Variants in DNAJC7 observed in about 807,000 individuals in gnomAD.
DNAJC7 encodes the protein dnaJ homolog subfamily C member 7.
A neutral mutation model predicts 67.4 loss-of-function variants in DNAJC7; 18 were observed. The ratio of observed to expected loss-of-function variants is 0.27; its 90% CI spans 0.18 to 0.40. The LOEUF (loss-of-function observed/expected upper bound fraction) is 0.40, where lower values mean the gene tolerates loss of function less well. Ranked by LOEUF, DNAJC7 falls within the 10% of genes least tolerant of loss-of-function variation. The pLI, the probability that DNAJC7 is intolerant of heterozygous loss-of-function variation, is 1.00. For synonymous variants in DNAJC7, 220 were observed against 207.8 expected (o/e 1.06, Z -0.50); for missense variants, 419 against 613.8 (o/e 0.68, Z 3.35).
chr17:41,996,459 G>T, intron 3 of DNAJC7, 35 bp from the exon 4 acceptor site: 2 of 1,586,020 alleles, frequency 1.3e-6, no homozygotes, highest in Non-Finnish European at 1.7e-6. Context: ...AAAGAAGCAT[G>T]ATTGGCCAAG....
intron 1 of DNAJC7, among the ~76,000 whole-genome samples, chr17:42,006,820 T>TAAAAAAAA (rs1555650385): frequency 2.9e-4 from 2 of 6,798 alleles, no homozygotes; most frequent in Non-Finnish European, 8.6e-4. Context: ...AAAAAAAAAG[T>TAAAAAAAA]CCAGGCACGG....
chr17:41,999,088 GT>G (rs1184680275), intron 2 of DNAJC7, among the ~76,000 whole-genome samples: 11 of 146,004 alleles, frequency 7.5e-5, no homozygotes, highest in South Asian at 2.2e-4. Context: ...TCATGAGTTT[GT>G]TTTTTTTTTT....
At chr17:41,993,351 C>T (rs1555648049) in intron 5 of DNAJC7, among the ~76,000 whole-genome samples, 1 of 152,096 alleles carries the variant, frequency 6.6e-6, no homozygotes, top group East Asian at 1.9e-4. Context: ...CCCAGCTACT[C>T]AGGAGGCTGA....
chr17:42,016,259 T>C (rs1190571984), intron 1 of DNAJC7: 10 of 152,178 alleles, frequency 6.6e-5, no homozygotes, highest in African/African-American at 2.2e-4. Context: ...ACTCATTAGA[T>C]AGTAAAAATC....
intron 5 of DNAJC7, among the ~76,000 whole-genome samples, chr17:41,993,642 C>T (rs2051569424): frequency 6.6e-6 from 1 of 152,168 alleles, no homozygotes; most frequent in African/African-American, 2.4e-5. Context: ...GGGTTATCTA[C>T]CTCCCCTTTT....
chr17:42,013,383 A>C (rs2052170161), intron 1 of DNAJC7: 1 of 152,250 alleles, frequency 6.6e-6, no homozygotes, highest in African/African-American at 2.4e-5. Flanking sequence ...GCAATCGTGA[A>C]GTCCGTCTTA....
intron 5 of DNAJC7, among the ~76,000 whole-genome samples, chr17:41,990,917 C>T (rs528128811): frequency 1.3e-5 from 2 of 152,106 alleles, no homozygotes; most frequent in African/African-American, 4.8e-5. Flanking sequence ...TCCTCCTCAG[C>T]CTCCCGAAGT....
chr17:42,008,432 C>T (rs1366334094), intron 1 of DNAJC7, among the ~76,000 whole-genome samples: 2 of 148,922 alleles, frequency 1.3e-5, no homozygotes, highest in African/African-American at 2.5e-5. Flanking sequence ...TTTTTTGAGA[C>T]GGAGTCTCGC....
At chr17:41,994,675 G>A (rs926035435) in intron 5 of DNAJC7, among the ~76,000 whole-genome samples, 195 bp downstream of exon 5, 11 of 151,838 alleles carry the variant, frequency 7.2e-5, no homozygotes, top group African/African-American at 2.7e-4. Context: ...TTTATCATAG[G>A]GCCAAATATA....
intron 12 of DNAJC7, among the ~76,000 whole-genome samples, chr17:41,980,234 G>A (rs1555645787): frequency 6.6e-6 from 1 of 151,792 alleles, no homozygotes; most frequent in Non-Finnish European, 1.5e-5. Context: ...ATTTTTCATA[G>A]AGACGGGGTT....
intron 2 of DNAJC7, 52 bp downstream of exon 2, chr17:42,000,430 A>G: frequency 7.0e-7 from 1 of 1,438,248 alleles, no homozygotes; most frequent in South Asian, 1.2e-5. Flanking sequence ...GCTACTTTTA[A>G]TAATATTTGG....
chr17:41,987,605 G>A (rs1555647059), intron 9 of DNAJC7: 4 of 507,366 alleles, frequency 7.9e-6, no homozygotes, highest in African/African-American at 3.9e-5. Flanking sequence ...CGTGAGGGGC[G>A]TTAGACACAG....
intron 1 of DNAJC7, among the ~76,000 whole-genome samples, chr17:42,010,251 A>G (rs1213914153): frequency 6.6e-6 from 1 of 151,488 alleles, no homozygotes; most frequent in Non-Finnish European, 1.5e-5. Flanking sequence ...TGGGAGGCCA[A>G]GGCGGGTGGA....
chr17:41,994,782 A>C (rs2051611504), intron 5 of DNAJC7, 88 bp downstream of exon 5: 1,399 of 1,096,936 alleles, frequency 1.3e-3, no homozygotes, highest in Non-Finnish European at 1.8e-3. Context: ...CTTTTGTGCC[A>C]TACTACTCCT....
intron 12 of DNAJC7, among the ~76,000 whole-genome samples, chr17:41,979,030 A>G (rs2051169915): frequency 6.6e-6 from 1 of 152,234 alleles, no homozygotes; most frequent in Non-Finnish European, 1.5e-5. Flanking sequence ...TTATCTATAT[A>G]GTACCATCAT....
chr17:42,003,137 CAGGCCAGAATT>C, intron 1 of DNAJC7, among the ~76,000 whole-genome samples: 1 of 152,342 alleles, frequency 6.6e-6, no homozygotes, highest in African/African-American at 2.4e-5. Flanking sequence ...TGCACAGCAT[CAGGCCAGAATT>C]AGCTATTCCC....
At chr17:41,980,890 T>A (rs559377818) in intron 12 of DNAJC7, among the ~76,000 whole-genome samples, 3 of 152,328 alleles carry the variant, frequency 2.0e-5, no homozygotes, top group Admixed American at 2.0e-4. Flanking sequence ...AGGAAAATGC[T>A]CATATTCCTT....
At chr17:42,004,275 T>A (rs2051887858) in intron 1 of DNAJC7, among the ~76,000 whole-genome samples, 1 of 152,130 alleles carries the variant, frequency 6.6e-6, no homozygotes, top group South Asian at 2.1e-4. Flanking sequence ...TCAAATGGCC[T>A]TCTGAGGTGG....
chr17:41,989,335 C>A, intron 7 of DNAJC7, 69 bp downstream of exon 7: 1 of 1,561,814 alleles, frequency 6.4e-7, no homozygotes, highest in Non-Finnish European at 8.7e-7. Context: ...CTAAAACCTT[C>A]CACTCTAGCC....
Sources: gnomAD v4.1 joint callset for allele counts (sites outside exome capture counted in the v4.1 genomes callset) on GRCh38, gnomAD v4.1.1 for gene constraint, MANE v1.5 for transcripts, NCBI Gene and HGNC (gene_info 2026-07-23, HGNC 2026-07-21) for gene names.